CCDC81: variants seen among roughly 807,000 people sequenced by gnomAD.
The protein encoded by CCDC81 is coiled-coil domain containing 81, also known as coiled-coil domain-containing protein 81.
In CCDC81, 79 loss-of-function variants were observed where a neutral mutation model predicts 83.7. The ratio of observed to expected loss-of-function variants is 0.94; its 90% CI spans 0.79 to 1.14. The LOEUF (loss-of-function observed/expected upper bound fraction) is 1.14, where lower values mean the gene tolerates loss of function less well. Ranked by LOEUF, CCDC81 falls within the 50% of genes most tolerant of loss-of-function variation. The pLI, the probability that CCDC81 is intolerant of heterozygous loss-of-function variation, is 0.00. For missense variants in CCDC81, 791 were observed against 778.1 expected (o/e 1.02, Z -0.20); for synonymous variants, 252 against 278.1 (o/e 0.91, Z 0.93).
At chr11:86,388,217 CTT>C in intron 3 of CCDC81, among the ~76,000 whole-genome samples, 1 of 150,058 alleles carries the variant, frequency 6.7e-6, no homozygotes, top group South Asian at 2.1e-4. Flanking sequence ...TCCCTCCTTC[CTT>C]CCTTCCTTCC....
At chr11:86,382,934 C>A (rs1280348164) in intron 1 of CCDC81, among the ~76,000 whole-genome samples, 2 of 152,104 alleles carry the variant, frequency 1.3e-5, no homozygotes, top group African/African-American at 4.8e-5. Flanking sequence ...GACAAAGAGA[C>A]CATTGGTGAC....
intron 5 of CCDC81, among the ~76,000 whole-genome samples, chr11:86,397,336 G>A (rs888222428): frequency 6.6e-6 from 1 of 152,066 alleles, no homozygotes; most frequent in Admixed American, 6.6e-5. Context: ...AATTCAAATT[G>A]AAACAAAAAC....
chr11:86,387,585 T>C lies in CCDC81; in HGVS notation c.211T>C (p.Phe71Leu). 1 of 1,613,556 alleles carries C rather than the reference T, an allele frequency of 6.2e-7. No individual in the cohort carries two copies. The highest frequency in any genetic ancestry group is 1.1e-5 in the South Asian group (1 of 91,064). ...RQKLEVGNNK[F>L]ILIQRPVFIM... is the part of the protein sequence containing the mutation. ...AAAGCTTGAGGTGGGAAACAACAAA[T>C]TTATCTTAATCCAGAGGCCTGTGTT... The change falls in exon 3 of 15, where the codon TTT becomes CTT. Residue 71 changes from phenylalanine (F) to leucine (L), a missense_variant. Physicochemically the swap from Phe to Leu is conservative, Grantham distance 22. Transcript: ENST00000445632.
chr11:86,419,793 AT>A (rs1238586526), intron 13 of CCDC81, 134 bp from the exon 14 acceptor site: 5 of 816,908 alleles, frequency 6.1e-6, no homozygotes, highest in Non-Finnish European at 8.9e-6. Context: ...TACAGTGTTC[AT>A]GCTTTTTAGT....
intron 13 of CCDC81, among the ~76,000 whole-genome samples, chr11:86,418,468 A>G (rs1948749380): frequency 6.6e-6 from 1 of 152,266 alleles, no homozygotes; most frequent in Non-Finnish European, 1.5e-5. Context: ...GTCCACCGAC[A>G]GATGAATGGA....
chr11:86,421,982 C>T (rs1001991074), intron 14 of CCDC81, among the ~76,000 whole-genome samples: 2 of 151,550 alleles, frequency 1.3e-5, no homozygotes, highest in Non-Finnish European at 2.9e-5. Context: ...GACTGTTTTG[C>T]GTAACGAAGA....
chr11:86,379,189 T>C (rs1056384594), intron 1 of CCDC81, among the ~76,000 whole-genome samples: 1 of 151,888 alleles, frequency 6.6e-6, no homozygotes, highest in Non-Finnish European at 1.5e-5. Flanking sequence ...CTCCGCCTCC[T>C]GGGTTCATGC....
intron 11 of CCDC81, 53 bp downstream of exon 11, chr11:86,412,612 G>A (rs893199553): frequency 3.4e-6 from 5 of 1,472,832 alleles, no homozygotes; most frequent in Admixed American, 4.5e-5. Flanking sequence ...TTCATGTGAA[G>A]TTACTTTTCA....
intron 10 of CCDC81, among the ~76,000 whole-genome samples, chr11:86,411,312 CG>C (rs537329497): frequency 8.3e-4 from 126 of 152,234 alleles, no homozygotes; most frequent in African/African-American, 2.8e-3. Flanking sequence ...GTATGGAACA[CG>C]GGTCTCCCTG....
chr11:86,421,962 G>A (rs1202700149), intron 14 of CCDC81, among the ~76,000 whole-genome samples: 1 of 151,806 alleles, frequency 6.6e-6, no homozygotes, highest in Non-Finnish European at 1.5e-5. Flanking sequence ...GGGTAGAGGA[G>A]CACATGAGGG....
intron 11 of CCDC81, among the ~76,000 whole-genome samples, chr11:86,412,859 C>T (rs1948666530): frequency 6.6e-6 from 1 of 152,170 alleles, no homozygotes. Flanking sequence ...TGAATGTTTA[C>T]AGCTCCTGAA....
rs138746390 is a variant in CCDC81 at position 86,423,000 on chromosome 11, C to T, written c.*285C>T. ...GGAATGGGATCCAGCTTCATTATGGCTGCTGGGGTGCTGCTGACCCAGCCC... is the reference window on the plus strand; with the variant it reads ...GGAATGGGATCCAGCTTCATTATGGTTGCTGGGGTGCTGCTGACCCAGCCC... On this transcript the variant is annotated 3_prime_UTR_variant, in exon 15 of 15. Transcript: ENST00000445632. 423 of 334,448 alleles carry T rather than the reference C, an allele frequency of 1.3e-3. 3 individuals carry two copies. Among genetic ancestry groups the T allele is most frequent in the Middle Eastern group, 0.01 (12 of 1,196 alleles). The allele number at this position is 334,448 out of a possible 1,614,324, so 20.7% of individuals were successfully genotyped here.
intron 6 of CCDC81, among the ~76,000 whole-genome samples, chr11:86,399,459 G>A (rs1157317758): frequency 1.3e-5 from 2 of 152,102 alleles, no homozygotes; most frequent in Admixed American, 6.6e-5. Context: ...AGGACCACAG[G>A]TGTGCGCCAC....
chr11:86,394,204 G>C (rs1330478414), intron 4 of CCDC81, among the ~76,000 whole-genome samples: 1 of 152,208 alleles, frequency 6.6e-6, no homozygotes, highest in Non-Finnish European at 1.5e-5. Context: ...GAACTTTGTA[G>C]CTTCAATACG....
chr11:86,379,761 G>A (rs1362962070), intron 1 of CCDC81, among the ~76,000 whole-genome samples: 1 of 152,132 alleles, frequency 6.6e-6, no homozygotes, highest in Non-Finnish European at 1.5e-5. Context: ...AGAATCGCTG[G>A]AGTCCAGGAG....
Position 86,420,819 on chromosome 11 carries a change from A to G in CCDC81, c.1817+766A>G, listed in dbSNP as rs76796706. Among the ~76,000 whole-genome samples, 306 of 152,298 alleles carry G rather than the reference A, an allele frequency of 2.0e-3. 1 individual carries two copies. The highest frequency in any genetic ancestry group is 7.0e-3 in the African/African-American group (290 of 41,566). On this transcript the variant is annotated intron_variant, in intron 14 of 14. Coordinates refer to ENST00000445632, the MANE Select transcript of CCDC81 (RefSeq NM_001156474.2). ...TGAGTAGAACCCATATTTTGTGACA[A>G]TGAAAGTATGAGTGATGACGTGGAA...
intron 3 of CCDC81, 49 bp from the exon 4 acceptor site, chr11:86,392,492 G>A (rs1427783332): frequency 6.5e-7 from 1 of 1,535,934 alleles, no homozygotes. Context: ...ATGTCCTTAT[G>A]GTAATCACCA....
intron 1 of CCDC81, among the ~76,000 whole-genome samples, chr11:86,376,059 A>C (rs750858941): frequency 6.6e-6 from 1 of 152,210 alleles, no homozygotes; most frequent in Non-Finnish European, 1.5e-5. Flanking sequence ...TATATTTGTA[A>C]ATTTATGTAT....
chr11:86,398,098 G>A (rs1948435466), intron 6 of CCDC81, among the ~76,000 whole-genome samples: 1 of 152,116 alleles, frequency 6.6e-6, no homozygotes, highest in Admixed American at 6.6e-5. Flanking sequence ...GCCATCCAAA[G>A]TGCTGGGATT....
Sources: allele counts gnomAD v4.1 joint callset (sites outside exome capture counted in the v4.1 genomes callset), GRCh38; gene constraint gnomAD v4.1.1; transcripts MANE v1.5; gene names NCBI Gene and HGNC (gene_info 2026-07-23, HGNC 2026-07-21).